ERICH3: variants seen among roughly 807,000 people sequenced by gnomAD.
ERICH3 encodes the protein glutamate rich 3, also known as glutamate-rich protein 3.
In ERICH3, 126 loss-of-function variants were observed where a neutral mutation model predicts 131.1. The ratio of observed to expected loss-of-function variants is 0.96; its 90% CI spans 0.83 to 1.11. The LOEUF is 1.11. ERICH3 is among the 50% of genes most tolerant of loss of function. The pLI is 0.00. For synonymous variants in ERICH3, 695 were observed against 644.6 expected, an observed-to-expected ratio of 1.08 and a Z score of -1.18; for missense variants, 2,050 against 1,810.7, an observed-to-expected ratio of 1.13 and a Z score of -2.40.
Position 74,611,981 on chromosome 1 carries a change from T to G in ERICH3, c.1187+642A>C, listed in dbSNP as rs968740034. Among the ~76,000 whole-genome samples the G allele has an allele frequency of 2.6e-5, 4 of 152,210 alleles. No homozygotes were observed. The South Asian group carries it at 8.3e-4, about 32-fold the overall frequency. On this transcript the variant is annotated intron_variant, in intron 9 of 14. Transcript: ENST00000326665. ...ACAAATACTTTAGTTGATTCACTCT[T>G]GTGTTCTAGCTTGGCATCTAGCCAA...
chr1:74,636,478 C>G, intron 5 of ERICH3, 40 bp from the exon 6 acceptor site: 1 of 1,561,860 alleles, frequency 6.4e-7, no homozygotes, highest in Non-Finnish European at 8.7e-7. Context: ...AAATTAGTAT[C>G]TTGACATGTT....
chr1:74,641,628 G>C (rs1646438636), intron 4 of ERICH3, among the ~76,000 whole-genome samples, 169 bp from the exon 5 acceptor site: 1 of 152,062 alleles, frequency 6.6e-6, no homozygotes, highest in South Asian at 2.1e-4. Flanking sequence ...AATTGAGTCG[G>C]CTTTAGTTGT....
chr1:74,626,183 CA>C (rs1456634633), intron 7 of ERICH3: 1 of 152,140 alleles, frequency 6.6e-6, no homozygotes, highest in Non-Finnish European at 1.5e-5. Context: ...TTCTATTGGA[CA>C]TCTCTGATCT....
Position 74,572,515 on chromosome 1 carries a change from C to T in ERICH3, c.3195G>A (p.Arg1065=). The change falls in exon 14 of 15, where the codon AGG becomes AGA. Residue 1065 remains arginine, a synonymous_variant. Transcript: ENST00000326665. ...CAGTTTTCCTCAGAGATGTTTTTGGCCTCTCAGCTTTCCTTCGCTCTCTTG... is the reference window on the plus strand; with the variant it reads ...CAGTTTTCCTCAGAGATGTTTTTGGTCTCTCAGCTTTCCTTCGCTCTCTTG... ...DLARERRKAE[R]PKTSLRKTDS... 1 of 1,614,036 alleles carries T rather than the reference C, an allele frequency of 6.2e-7. No homozygotes were observed. The highest frequency in any genetic ancestry group is 8.5e-7 in the Non-Finnish European group (1 of 1,180,012).
chr1:74,586,430 G>T (rs768809616), intron 12 of ERICH3: 23 of 983,780 alleles, frequency 2.3e-5, no homozygotes, highest in Middle Eastern at 5.2e-4. Flanking sequence ...GCTATCCACC[G>T]TTATCCCTGG....
At chr1:74,643,617 A>C (rs1445138733) in intron 3 of ERICH3, among the ~76,000 whole-genome samples, 1 of 152,156 alleles carries the variant, frequency 6.6e-6, no homozygotes, top group African/African-American at 2.4e-5. Context: ...AATACAATTT[A>C]ATTTATCAAG....
At chr1:74,594,665 A>T (rs696695) in intron 11 of ERICH3, among the ~76,000 whole-genome samples, 9,283 of 152,214 alleles carry the variant, frequency 0.061, 372 homozygotes, top group South Asian at 0.13. Context: ...GTACATGTTC[A>T]TAAAGGTATT....
chr1:74,655,566 G>C (rs1313438677), intron 1 of ERICH3, among the ~76,000 whole-genome samples: 1 of 152,094 alleles, frequency 6.6e-6, no homozygotes, highest in Non-Finnish European at 1.5e-5. Flanking sequence ...AGGGACCTTT[G>C]TGATTACATG....
intron 8 of ERICH3, among the ~76,000 whole-genome samples, chr1:74,613,396 C>G (rs996256069): frequency 1.3e-5 from 2 of 152,138 alleles, no homozygotes; most frequent in Non-Finnish European, 2.9e-5. Flanking sequence ...CAGTAATTTA[C>G]TCAAGATCAT....
At chr1:74,570,980 T>A in intron 14 of ERICH3, 119 bp downstream of exon 14, 1 of 1,329,492 alleles carries the variant, frequency 7.5e-7, no homozygotes, top group Non-Finnish European at 1.0e-6. Flanking sequence ...GACACAGAAT[T>A]GAAGCCTGTG....
At chr1:74,607,039 A>C in intron 9 of ERICH3, 137 bp from the exon 10 acceptor site, 1 of 586,232 alleles carries the variant, frequency 1.7e-6, no homozygotes, top group Non-Finnish European at 2.7e-6. Context: ...ACACACTAAT[A>C]AAAATAAACA....
chr1:74,580,971 T>G (rs1202728554), intron 12 of ERICH3, among the ~76,000 whole-genome samples: 6 of 152,190 alleles, frequency 3.9e-5, no homozygotes, highest in Non-Finnish European at 7.3e-5. Context: ...CATCTTTATG[T>G]CCATACAAAC....
intron 1 of ERICH3, among the ~76,000 whole-genome samples, chr1:74,667,457 C>T (rs556475187): frequency 3.3e-5 from 5 of 152,166 alleles, no homozygotes; most frequent in African/African-American, 9.6e-5. Context: ...GTCTGCACAC[C>T]ACTTCTCTTG....
chr1:74,641,317 T>G lies in ERICH3; in HGVS notation c.444+14A>C. 6.2e-7 allele frequency: 1 copy of G among 1,610,830 alleles called. No homozygotes were observed. Among genetic ancestry groups the G allele is most frequent in the Non-Finnish European group, 8.5e-7 (1 of 1,178,762 alleles). On this transcript the variant is annotated intron_variant, in intron 5 of 14. Coordinates refer to ENST00000326665, the MANE Select transcript of ERICH3 (RefSeq NM_001002912.5). ...GCTGGGATACTGCATGACGAAGTGT[T>G]TAATATTACTCACCAGTGCTAACGG...
At chr1:74,619,860 A>G (rs964080806) in intron 8 of ERICH3, among the ~76,000 whole-genome samples, 10 of 152,226 alleles carry the variant, frequency 6.6e-5, no homozygotes, top group African/African-American at 2.4e-4. Flanking sequence ...AGTTTTACAT[A>G]TGTAATTCCT....
chr1:74,578,522 A>G (rs1647113636), intron 12 of ERICH3: 1 of 152,180 alleles, frequency 6.6e-6, no homozygotes. Flanking sequence ...ATAAAACTAG[A>G]CTTAGATCTG....
At chr1:74,636,177 C>A in intron 6 of ERICH3, 103 bp downstream of exon 6, 1 of 955,168 alleles carries the variant, frequency 1.0e-6, no homozygotes, top group Non-Finnish European at 1.5e-6. Context: ...ATATAATTTT[C>A]ACTGTGTAGA....
At chr1:74,573,855 C>CTCTT (rs1557660390) in intron 13 of ERICH3, among the ~76,000 whole-genome samples, 1 of 152,134 alleles carries the variant, frequency 6.6e-6, no homozygotes, top group African/African-American at 2.4e-5. Context: ...TCTTGGCTTC[C>CTCTT]TCTTTCTCTC....
At chr1:74,666,481 C>T (rs1427338308) in intron 1 of ERICH3, among the ~76,000 whole-genome samples, 2 of 152,180 alleles carry the variant, frequency 1.3e-5, no homozygotes, top group Non-Finnish European at 2.9e-5. Flanking sequence ...CACTATTCAA[C>T]TTGTCACATC....
Sources: allele counts gnomAD v4.1 joint callset (sites outside exome capture counted in the v4.1 genomes callset), GRCh38; gene constraint gnomAD v4.1.1; transcripts MANE v1.5; gene names NCBI Gene and HGNC (gene_info 2026-07-23, HGNC 2026-07-21).